BAZ2A: variants seen among roughly 807,000 people sequenced by gnomAD.
BAZ2A encodes bromodomain adjacent to zinc finger domain 2A, also known as bromodomain adjacent to zinc finger domain protein 2A.
A neutral mutation model predicts 199.9 loss-of-function variants in BAZ2A; 34 were observed. That is an observed-to-expected ratio of 0.17 (90% CI 0.13 to 0.23). The LOEUF (loss-of-function observed/expected upper bound fraction) is 0.23. Among genes scored for constraint, BAZ2A ranks in the 10% least tolerant of loss-of-function variants. The pLI is 1.00. For synonymous variants in BAZ2A, 857 were observed against 883.9 expected (o/e 0.97, Z 0.54); for missense variants, 2,002 against 2,391.1 (o/e 0.84, Z 3.39).
chr12:56,604,021 A>T (rs947965788), intron 16 of BAZ2A, among the ~76,000 whole-genome samples, 196 bp downstream of exon 16: 1 of 152,164 alleles, frequency 6.6e-6, no homozygotes, highest in African/African-American at 2.4e-5. Context: ...TCAAAAAAAA[A>T]AAATTACGGG....
At chr12:56,614,800 A>G (rs1353058565) in intron 3 of BAZ2A, 1 of 606,798 alleles carries the variant, frequency 1.6e-6, no homozygotes, top group Non-Finnish European at 2.9e-6. Flanking sequence ...GAAGCTCTGC[A>G]TGAGCTTGAA....
At chr12:56,619,245 T>G (rs1350598352) in intron 1 of BAZ2A, among the ~76,000 whole-genome samples, 2 of 151,572 alleles carry the variant, frequency 1.3e-5, no homozygotes, top group African/African-American at 4.9e-5. Flanking sequence ...CTCGGGAGGC[T>G]GAGGCAGGAG....
chr12:56,619,508 C>CAAAA (rs397850754), intron 1 of BAZ2A, among the ~76,000 whole-genome samples: 4 of 84,770 alleles, frequency 4.7e-5, no homozygotes, highest in Admixed American at 1.2e-4. Context: ...GACCCTGTCT[C>CAAAA]AAAAAAAAAA....
At chr12:56,611,689 G>T in intron 6 of BAZ2A, 56 bp from the exon 7 acceptor site, 2 of 1,551,890 alleles carry the variant, frequency 1.3e-6, no homozygotes, top group African/African-American at 2.8e-5. Context: ...TAAACAATAG[G>T]CCAATAGGGA....
chr12:56,625,736 C>T (rs1486266988), intron 1 of BAZ2A, among the ~76,000 whole-genome samples: 3 of 151,434 alleles, frequency 2.0e-5, no homozygotes, highest in Non-Finnish European at 4.4e-5. Flanking sequence ...ATTAGCCGGG[C>T]ATGGTGGCGC....
chr12:56,598,295 G>A lies in BAZ2A; in HGVS notation c.*323C>T. On this transcript the variant is annotated 3_prime_UTR_variant, in exon 29 of 29. Transcript: ENST00000549884. ...ACAGGGGAGGAGAGGAAGCAGGGAG[G>A]AGGAAGTAGGGACGACTTTCCCCCT... 1 of 291,870 alleles carries A rather than the reference G, an allele frequency of 3.4e-6. No homozygotes were observed. Among genetic ancestry groups the A allele is most frequent in the South Asian group, 3.7e-5 (1 of 26,804 alleles). 18.1% of individuals were successfully genotyped at this position (291,870 alleles called of 1,614,324 possible). A position where few individuals can be genotyped will look rare whatever the true frequency, so the allele number is the denominator to read the frequency against.
At chr12:56,630,855 A>T, upstream of BAZ2A, 1 of 985,556 alleles carries the variant, frequency 1.0e-6, no homozygotes, top group Non-Finnish European at 1.2e-6. Flanking sequence ...GTCACCGGAA[A>T]GGAAAGATTC....
chr12:56,621,055 C>G, intron 1 of BAZ2A: 1 of 985,286 alleles, frequency 1.0e-6, no homozygotes, highest in Non-Finnish European at 1.2e-6. Context: ...CCTGGAAATA[C>G]TATGCCTAGA....
Position 56,600,384 on chromosome 12 carries a change from C to T in BAZ2A, c.4709G>A (p.Gly1570Glu). 1 of 1,614,026 alleles carries T rather than the reference C, an allele frequency of 6.2e-7. No homozygotes were observed. The highest frequency in any genetic ancestry group is 8.5e-7 in the Non-Finnish European group (1 of 1,179,894). ...GGTAGTTTTACGCTGAGGTGCCAGTCCCTCCCTGCCCCGACCTCGCCAGGT... is the reference window on the plus strand; with the variant it reads ...GGTAGTTTTACGCTGAGGTGCCAGTTCCTCCCTGCCCCGACCTCGCCAGGT... ...DITWRGRGRE[G>E]LAPQRKTTNP... Residue 1570 changes from glycine (G) to glutamate (E), a missense_variant, in exon 24 of 29, where the codon GGA (glycine) becomes GAA (glutamate). Gly to Glu is a moderately conservative substitution (Grantham distance 98). Transcript: ENST00000549884.
intron 1 of BAZ2A, among the ~76,000 whole-genome samples, chr12:56,627,945 G>A (rs1327133843): frequency 1.3e-5 from 2 of 151,646 alleles, no homozygotes; most frequent in Admixed American, 6.6e-5. Flanking sequence ...ACTTTGGGAG[G>A]CCGAGGTGGG....
At chr12:56,601,478 C>T in intron 20 of BAZ2A, 68 bp downstream of exon 20, 1 of 1,593,290 alleles carries the variant, frequency 6.3e-7, no homozygotes, top group South Asian at 1.1e-5. Flanking sequence ...GGCAGCAGCT[C>T]CACACCCAGG....
intron 10 of BAZ2A, among the ~76,000 whole-genome samples, chr12:56,608,581 T>G (rs1950446547): frequency 6.6e-6 from 1 of 151,746 alleles, no homozygotes; most frequent in South Asian, 2.1e-4. Flanking sequence ...TTATTATTAT[T>G]ATTTTGAGAT....
chr12:56,611,381 G>A (rs1950552305), intron 7 of BAZ2A, 192 bp downstream of exon 7: 1 of 634,426 alleles, frequency 1.6e-6, no homozygotes. Flanking sequence ...ATGGAAGACA[G>A]ACCTTGAGAG....
chr12:56,637,349 C>T (rs997626062), upstream of BAZ2A, among the ~76,000 whole-genome samples: 4 of 152,340 alleles, frequency 2.6e-5, no homozygotes, highest in South Asian at 2.1e-4. Context: ...AACCTAACTT[C>T]ATTAGTTTAG....
chr12:56,605,714 C>T, intron 13 of BAZ2A, 116 bp downstream of exon 13: 1 of 1,175,836 alleles, frequency 8.5e-7, no homozygotes, highest in East Asian at 2.6e-5. Flanking sequence ...AGCCATGGCA[C>T]CCGGCCTTCC....
chr12:56,599,673 G>C (rs374417938), intron 26 of BAZ2A, 29 bp downstream of exon 26: 1 of 1,612,004 alleles, frequency 6.2e-7, no homozygotes, highest in African/African-American at 1.3e-5. Flanking sequence ...TTCTGTTTGA[G>C]TGTGGGAAAG....
In BAZ2A at chr12:56,609,758, G is replaced by C. The variant is rs201453601; in HGVS notation, c.2070C>G (p.Pro690=). Residue 690 remains proline (P), a synonymous_variant, in exon 10 of 29, where the codon CCC becomes CCG. Transcript: ENST00000549884. ...TELLNKTDNR[P]LKKLEAQETL... ...TACCTTGGGCCTCCAGTTTCTTTAGGGGGCGGTTGTCTGTCTTGTTCAATA... is the reference window on the plus strand; with the variant it reads ...TACCTTGGGCCTCCAGTTTCTTTAGCGGGCGGTTGTCTGTCTTGTTCAATA... 1.1e-3 allele frequency: 1,733 copies of C among 1,613,832 alleles called. 5 individuals are homozygous for C. The highest frequency in any genetic ancestry group is 1.3e-3 in the Non-Finnish European group (1,570 of 1,179,844).
At chr12:56,606,773 A>C (rs913561680) in intron 10 of BAZ2A, 40 bp from the exon 11 acceptor site, 2 of 1,557,842 alleles carry the variant, frequency 1.3e-6, no homozygotes, top group African/African-American at 1.4e-5. Context: ...GTGAGGCAGG[A>C]AGGCAGTTCT....
Position 56,606,753 on chromosome 12 carries a change from A to T in BAZ2A, c.2093-20T>A. On this transcript the variant is annotated intron_variant, in intron 10 of 28. Coordinates refer to ENST00000549884, the MANE Select transcript of BAZ2A (RefSeq NM_001300905.2). The stretch of plus-strand genomic sequence containing the variant: ...ATGTTTCTGTGAGAGCAGAAAGAAA[A>T]ATGAAACAAGTGAGGCAGGAAGGCA... The T allele has an allele frequency of 6.2e-7, 1 of 1,603,480 alleles. No homozygotes were observed.
Sources: allele counts gnomAD v4.1 joint callset (sites outside exome capture counted in the v4.1 genomes callset), GRCh38; gene constraint gnomAD v4.1.1; transcripts MANE v1.5; gene names NCBI Gene and HGNC (gene_info 2026-07-23, HGNC 2026-07-21).